The following ANO6 variants were observed in gnomAD, a reference collection of about 807,000 sequenced individuals.
ANO6 encodes anoctamin-6.
In ANO6, 106 loss-of-function variants were observed where a neutral mutation model predicts 117.5. That is an observed-to-expected ratio of 0.90 (90% CI 0.77 to 1.06). The LOEUF (loss-of-function observed/expected upper bound fraction) is 1.06, where lower values mean the gene tolerates loss of function less well. Among genes scored for constraint, ANO6 ranks in the 50% least tolerant of loss-of-function variants. The pLI, the probability that ANO6 is intolerant of heterozygous loss-of-function variation, is 0.00. For missense variants in ANO6, 955 were observed against 1,121.1 expected, an observed-to-expected ratio of 0.85 and a Z score of 2.12; for synonymous variants, 367 against 385.1, an observed-to-expected ratio of 0.95 and a Z score of 0.55.
chr12:45,350,708 A>G lies in ANO6; in HGVS notation c.797A>G (p.Tyr266Cys), dbSNP rs1941257597. 6.2e-6 allele frequency: 10 copies of G among 1,613,874 alleles called. No individual in the cohort carries two copies. The highest frequency in any genetic ancestry group is 8.5e-6 in the Non-Finnish European group (10 of 1,179,804). ...GATCCCAGCTGCCCTAATGAACGGT[A>G]CCTTCTGTACAGAGAATGGGCTCAT... ...SEDPSCPNER[Y>C]LLYREWAHPR... Residue 266 changes from tyrosine to cysteine, a missense_variant, in exon 7 of 20, where the codon TAC (tyrosine) becomes TGC (cysteine). By Grantham distance (194) the Tyr-to-Cys change is radical. Transcript: ENST00000320560.
At chr12:45,417,220 A>C (rs1053823487) in intron 17 of ANO6, among the ~76,000 whole-genome samples, 1 of 152,230 alleles carries the variant, frequency 6.6e-6, no homozygotes, top group Non-Finnish European at 1.5e-5. Flanking sequence ...AGGAGTTATC[A>C]GAAAATGTTT....
At chr12:45,222,412 C>T (rs1045880824) in intron 1 of ANO6, among the ~76,000 whole-genome samples, 4 of 152,120 alleles carry the variant, frequency 2.6e-5, no homozygotes, top group African/African-American at 4.8e-5. Context: ...CCGCCTGCCT[C>T]GGCCTCCCAA....
intron 2 of ANO6, among the ~76,000 whole-genome samples, chr12:45,306,222 A>G (rs1172954538): frequency 6.6e-6 from 1 of 152,190 alleles, no homozygotes; most frequent in Non-Finnish European, 1.5e-5. Flanking sequence ...GAGGTTATAT[A>G]TAACCCTACT....
intron 1 of ANO6, among the ~76,000 whole-genome samples, chr12:45,263,387 T>TTTC (rs1158621494): frequency 6.7e-6 from 1 of 149,238 alleles, no homozygotes; most frequent in African/African-American, 2.5e-5. Flanking sequence ...TTTTTTTTTT[T>TTTC]TTCCTGGAGA....
At chr12:45,339,758 A>AT (rs964748648) in intron 3 of ANO6, among the ~76,000 whole-genome samples, 13 of 151,850 alleles carry the variant, frequency 8.6e-5, no homozygotes, top group East Asian at 7.7e-4. Flanking sequence ...AATTAGACTA[A>AT]TTTTTTTTCC....
chr12:45,327,077 T>G (rs562561048), intron 2 of ANO6, among the ~76,000 whole-genome samples: 48 of 152,250 alleles, frequency 3.2e-4, no homozygotes, highest in African/African-American at 1.1e-3. Context: ...GTTTTCAGGA[T>G]TTCATCAGTA....
intron 18 of ANO6, among the ~76,000 whole-genome samples, chr12:45,421,658 T>C (rs2137703253): frequency 6.6e-6 from 1 of 152,282 alleles, no homozygotes; most frequent in East Asian, 1.9e-4. Context: ...AGAACCAAGA[T>C]AATTCAGTTG....
chr12:45,334,218 G>C (rs920988334), intron 3 of ANO6, among the ~76,000 whole-genome samples: 2 of 152,096 alleles, frequency 1.3e-5, no homozygotes, highest in African/African-American at 4.8e-5. Flanking sequence ...CGCTCGTTTA[G>C]TCTGTACTGG....
chr12:45,327,134 G>T (rs1026644703), intron 2 of ANO6, among the ~76,000 whole-genome samples: 9 of 151,908 alleles, frequency 5.9e-5, no homozygotes, highest in African/African-American at 2.2e-4. Flanking sequence ...TAATAAGATT[G>T]TTCAAATAAG....
intron 1 of ANO6, among the ~76,000 whole-genome samples, chr12:45,255,890 G>A (rs1430735723): frequency 6.7e-6 from 1 of 149,776 alleles, no homozygotes; most frequent in African/African-American, 2.5e-5. Context: ...GCGGGATCTC[G>A]GCTCACTGCA....
At chr12:45,290,225 C>T (rs916488061) in intron 1 of ANO6, among the ~76,000 whole-genome samples, 4 of 151,848 alleles carry the variant, frequency 2.6e-5, no homozygotes, top group Non-Finnish European at 5.9e-5. Flanking sequence ...TAGGTTTTGG[C>T]ATCACAGGTT....
intron 8 of ANO6, among the ~76,000 whole-genome samples, chr12:45,363,043 T>C (rs1014853268): frequency 2.0e-5 from 3 of 152,198 alleles, no homozygotes; most frequent in Non-Finnish European, 2.9e-5. Context: ...TATTTAAGCC[T>C]GAAGGACTCT....
intron 1 of ANO6, among the ~76,000 whole-genome samples, chr12:45,298,906 C>A (rs1426091373): frequency 4.6e-5 from 7 of 151,648 alleles, no homozygotes; most frequent in Admixed American, 3.9e-4. Context: ...CCTTAGATAA[C>A]AGATAAATTG....
chr12:45,375,505 A>T (rs1941983854), intron 9 of ANO6, among the ~76,000 whole-genome samples: 1 of 152,226 alleles, frequency 6.6e-6, no homozygotes, highest in Admixed American at 6.5e-5. Context: ...ACCAAAACAG[A>T]GATATAGATC....
At chr12:45,393,211 A>G (rs143960116) in intron 12 of ANO6, among the ~76,000 whole-genome samples, 97 of 152,356 alleles carry the variant, frequency 6.4e-4, no homozygotes, top group African/African-American at 2.2e-3. Context: ...CACAAGCTTC[A>G]GTAGCCAATT....
chr12:45,275,091 T>G (rs915032097), intron 1 of ANO6, among the ~76,000 whole-genome samples: 3 of 151,736 alleles, frequency 2.0e-5, no homozygotes, highest in African/African-American at 7.3e-5. Context: ...ACTGAAGGAG[T>G]TAGTAAATTA....
intron 7 of ANO6, among the ~76,000 whole-genome samples, chr12:45,352,558 C>T (rs1203531155): frequency 1.3e-5 from 1 of 78,634 alleles, no homozygotes; most frequent in Non-Finnish European, 2.2e-5. Context: ...GAGATCCAGT[C>T]TTAAAAAAAA....
chr12:45,255,726 C>T (rs1937790739), intron 1 of ANO6, among the ~76,000 whole-genome samples: 1 of 151,216 alleles, frequency 6.6e-6, no homozygotes, highest in African/African-American at 2.4e-5. Context: ...AGTGGCAGTG[C>T]TTGTTAAGAG....
At chr12:45,397,239 G>A (rs1942642372) in intron 12 of ANO6, among the ~76,000 whole-genome samples, 1 of 152,216 alleles carries the variant, frequency 6.6e-6, no homozygotes, top group African/African-American at 2.4e-5. Context: ...ATGAAAAAAT[G>A]CTCATCATCA....
Sources: allele counts gnomAD v4.1 joint callset (sites outside exome capture counted in the v4.1 genomes callset), GRCh38; gene constraint gnomAD v4.1.1; transcripts MANE v1.5; gene names NCBI Gene and HGNC (gene_info 2026-07-23, HGNC 2026-07-21).